The following SPTBN1 variants were observed in gnomAD, a reference collection of about 807,000 sequenced individuals.
The protein encoded by SPTBN1 is spectrin beta chain, non-erythrocytic 1.
In SPTBN1, 32 loss-of-function variants were observed where a neutral mutation model predicts 266.4. The ratio of observed to expected loss-of-function variants is 0.12; its 90% CI spans 0.09 to 0.16. The LOEUF is 0.16. SPTBN1 is among the 10% of genes least tolerant of loss of function. SPTBN1 has a pLI of 1.00. For missense variants in SPTBN1, 2,296 were observed against 3,067.1 expected (o/e 0.75, Z 5.94); for synonymous variants, 1,336 against 1,162.2 (o/e 1.15, Z -3.04).
intron 24 of SPTBN1, 69 bp from the exon 25 acceptor site, chr2:54,648,917 T>C: frequency 7.1e-7 from 1 of 1,418,128 alleles, no homozygotes; most frequent in Non-Finnish European, 9.6e-7. Context: ...TCCACCTCAT[T>C]TGTTTTTCCC....
chr2:54,609,514 G>A (rs1026429816), intron 3 of SPTBN1, among the ~76,000 whole-genome samples: 1 of 152,276 alleles, frequency 6.6e-6, no homozygotes, highest in East Asian at 1.9e-4. Context: ...AGTCCTCCCA[G>A]ATTTTCCTGA....
At chr2:54,619,202 T>A (rs1275933991) in intron 7 of SPTBN1, among the ~76,000 whole-genome samples, 2 of 152,220 alleles carry the variant, frequency 1.3e-5, no homozygotes, top group Admixed American at 6.5e-5. Context: ...GCAGGCTTCT[T>A]GCTATTTTCC....
intron 1 of SPTBN1, among the ~76,000 whole-genome samples, chr2:54,519,868 AGAGG>A (rs756419010): frequency 1.3e-5 from 2 of 152,234 alleles, no homozygotes; most frequent in South Asian, 4.1e-4. Flanking sequence ...CTGTGGAGCG[AGAGG>A]GAGAAATGAA....
intron 1 of SPTBN1, among the ~76,000 whole-genome samples, chr2:54,487,359 G>T (rs951663095): frequency 6.6e-6 from 1 of 151,582 alleles, no homozygotes; most frequent in African/African-American, 2.4e-5. Context: ...TAATTACTGC[G>T]CACCTTTGAT....
chr2:54,508,500 A>G (rs6717713), intron 1 of SPTBN1, among the ~76,000 whole-genome samples: 67,502 of 152,020 alleles, frequency 0.44, 15,431 homozygotes, highest in Admixed American at 0.5. Flanking sequence ...TGGAAAGGAA[A>G]TGAGAGGTTC....
intron 2 of SPTBN1, among the ~76,000 whole-genome samples, chr2:54,562,013 C>A (rs1029578860): frequency 2.0e-5 from 3 of 152,058 alleles, no homozygotes; most frequent in African/African-American, 7.2e-5. Flanking sequence ...CACACACACA[C>A]CCACCCCTTC....
At chr2:54,567,089 G>A (rs1174018828) in intron 2 of SPTBN1, among the ~76,000 whole-genome samples, 1 of 152,214 alleles carries the variant, frequency 6.6e-6, no homozygotes, top group Non-Finnish European at 1.5e-5. Flanking sequence ...GTGTGTTTCA[G>A]CTGTGCTGGG....
At chr2:54,471,495 C>G (rs1282689427) in intron 1 of SPTBN1, among the ~76,000 whole-genome samples, 8 of 143,822 alleles carry the variant, frequency 5.6e-5, no homozygotes. Flanking sequence ...TTTTTTCAGT[C>G]AGGCATTGTG....
Position 54,646,064 on chromosome 2 carries a change from T to A in SPTBN1, c.4584+47T>A. 6.2e-7 allele frequency: 1 copy of A among 1,612,578 alleles called. No homozygotes were observed. Among genetic ancestry groups the A allele is most frequent in the Admixed American group, 1.7e-5 (1 of 59,934 alleles). ...AGTTCTGTCTGATAAATAATTGCTC[T>A]AAATTATGAGACTGGGAATGGCAGA... On this transcript the variant is annotated intron_variant, in intron 22 of 35. Transcript: ENST00000356805. The surrounding 1 kb of genome is among the most constrained non-coding windows in gnomAD (Gnocchi z 4.4).
chr2:54,525,005 A>G (rs1670714980), intron 1 of SPTBN1, among the ~76,000 whole-genome samples: 1 of 152,044 alleles, frequency 6.6e-6, no homozygotes, highest in Admixed American at 6.6e-5. Context: ...TCCAGCTCCT[A>G]CCACTAGGAT....
chr2:54,657,786 T>C, intron 29 of SPTBN1, 64 bp from the exon 30 acceptor site: 3 of 1,601,152 alleles, frequency 1.9e-6, no homozygotes, highest in Non-Finnish European at 2.6e-6. Flanking sequence ...TGCCAAGAGG[T>C]AAGGCCATAT....
chr2:54,472,031 T>TTTTTG (rs1425309200), intron 1 of SPTBN1, among the ~76,000 whole-genome samples: 3 of 125,258 alleles, frequency 2.4e-5, no homozygotes, highest in African/African-American at 9.7e-5. Flanking sequence ...TGTTTTTTTT[T>TTTTTG]TTTTTTTTTT....
chr2:54,601,004 A>T (rs557486706), intron 3 of SPTBN1, among the ~76,000 whole-genome samples: 1 of 152,274 alleles, frequency 6.6e-6, no homozygotes, highest in East Asian at 1.9e-4. Context: ...CAAGAAAAAT[A>T]TAAGTAGGGA....
intron 3 of SPTBN1, 91 bp downstream of exon 3, chr2:54,599,334 C>G (rs745326887): frequency 7.4e-5 from 108 of 1,459,320 alleles, no homozygotes; most frequent in Non-Finnish European, 9.4e-5. Flanking sequence ...GAATTCTGCA[C>G]TTAATGGTTG....
chr2:54,530,650 C>T (rs1196963978), intron 2 of SPTBN1, among the ~76,000 whole-genome samples: 1 of 152,030 alleles, frequency 6.6e-6, no homozygotes, highest in African/African-American at 2.4e-5. Flanking sequence ...AGCCACCGCG[C>T]CCGGCTTAAA....
At chr2:54,461,572 A>T (rs985710140) in intron 1 of SPTBN1, among the ~76,000 whole-genome samples, 5 of 152,252 alleles carry the variant, frequency 3.3e-5, no homozygotes, top group African/African-American at 1.2e-4. Flanking sequence ...CCCACTAGCC[A>T]TAAGTGTTAC....
At chr2:54,595,764 T>C (rs1018324524) in intron 2 of SPTBN1, among the ~76,000 whole-genome samples, 2 of 152,144 alleles carry the variant, frequency 1.3e-5, no homozygotes, top group African/African-American at 2.4e-5. Context: ...ACCGCTGATA[T>C]TTTGGGCCAG....
chr2:54,658,130 C>A (rs757239277), intron 30 of SPTBN1, 84 bp downstream of exon 30: 40 of 1,501,714 alleles, frequency 2.7e-5, no homozygotes, highest in Non-Finnish European at 3.5e-5. Flanking sequence ...GGAATTCACA[C>A]GATTGCTTGT....
chr2:54,575,213 C>G (rs927395834), intron 2 of SPTBN1, among the ~76,000 whole-genome samples: 13 of 152,180 alleles, frequency 8.5e-5, no homozygotes, highest in Non-Finnish European at 2.9e-5. Flanking sequence ...CTTGGAGATT[C>G]AGCCACATTC....
Sources: allele counts gnomAD v4.1 joint callset (sites outside exome capture counted in the v4.1 genomes callset), GRCh38; gene constraint gnomAD v4.1.1; non-coding constraint Gnocchi (gnomAD v3.1); transcripts MANE v1.5; gene names NCBI Gene and HGNC (gene_info 2026-07-23, HGNC 2026-07-21).